SIPA1L3: variants seen among roughly 807,000 people sequenced by gnomAD.
SIPA1L3 encodes signal induced proliferation associated 1 like 3.
In SIPA1L3, 59 loss-of-function variants were observed where a neutral mutation model predicts 150.1. That is an observed-to-expected ratio of 0.39 (90% CI 0.32 to 0.49). The LOEUF (loss-of-function observed/expected upper bound fraction) is 0.49. Among genes scored for constraint, SIPA1L3 ranks in the 20% least tolerant of loss-of-function variants. The pLI, the probability that SIPA1L3 is intolerant of heterozygous loss-of-function variation, is 0.86. For synonymous variants in SIPA1L3, 1,070 were observed against 1,077.6 expected (o/e 0.99, Z 0.14); for missense variants, 2,211 against 2,489.5 (o/e 0.89, Z 2.38).
At chr19:38,136,599 G>A (rs950424846) in intron 10 of SIPA1L3, among the ~76,000 whole-genome samples, 5 of 152,006 alleles carry the variant, frequency 3.3e-5, no homozygotes, top group African/African-American at 7.2e-5. Context: ...GCAAGACTCC[G>A]TCTCAAAAAA....
intron 1 of SIPA1L3, among the ~76,000 whole-genome samples, chr19:38,021,922 C>G (rs1312900016): frequency 2.6e-5 from 4 of 152,204 alleles, no homozygotes. Flanking sequence ...TTGCCCTCCC[C>G]AAGGTTCTGA....
At chr19:37,963,104 G>GTA (rs1181106163) in intron 1 of SIPA1L3, among the ~76,000 whole-genome samples, 1 of 152,152 alleles carries the variant, frequency 6.6e-6, no homozygotes, top group African/African-American at 2.4e-5. Flanking sequence ...TTTGCCAATG[G>GTA]ATCTGTGTCT....
intron 19 of SIPA1L3, 98 bp from the exon 20 acceptor site, chr19:38,201,764 A>G: frequency 7.5e-7 from 1 of 1,339,374 alleles, no homozygotes; most frequent in Non-Finnish European, 1.0e-6. Flanking sequence ...GTGTGATAGG[A>G]GGCATCATGG....
intron 4 of SIPA1L3, among the ~76,000 whole-genome samples, chr19:38,096,283 T>C (rs1180615930): frequency 6.6e-6 from 1 of 152,136 alleles, no homozygotes; most frequent in Non-Finnish European, 1.5e-5. Flanking sequence ...GGAGTCTCAC[T>C]CTGTCGCCTA....
rs1445513541 is a variant in SIPA1L3, at chr19:38,176,714, G to A, written c.4209-5805G>A. Among the ~76,000 whole-genome samples the A allele has an allele frequency of 3.9e-5, 6 of 152,166 alleles. No homozygotes were observed. In the East Asian group the frequency reaches 1.2e-3, roughly 29 times the overall value. ...AGGCCAGGCATGGAGGCTTACACCT[G>A]TAATCCCAGCACTTTGGGAGGTCAA... On this transcript the variant is annotated intron_variant, in intron 15 of 21. Coordinates refer to ENST00000222345, the MANE Select transcript of SIPA1L3 (RefSeq NM_015073.3).
chr19:38,039,784 A>G (rs999713480), intron 2 of SIPA1L3, among the ~76,000 whole-genome samples: 3 of 151,474 alleles, frequency 2.0e-5, no homozygotes, highest in Admixed American at 2.0e-4. Flanking sequence ...TGTATTTCCT[A>G]ATTGATTAAT....
At chr19:38,118,809 C>T (rs1485718340) in intron 8 of SIPA1L3, among the ~76,000 whole-genome samples, 1 of 152,100 alleles carries the variant, frequency 6.6e-6, no homozygotes, top group Non-Finnish European at 1.5e-5. Context: ...GCTGGGATTA[C>T]AGGTATGAGC....
chr19:38,006,728 G>T (rs1967948243), intron 1 of SIPA1L3, among the ~76,000 whole-genome samples: 1 of 152,194 alleles, frequency 6.6e-6, no homozygotes, highest in Non-Finnish European at 1.5e-5. Flanking sequence ...TCGCTTTGGA[G>T]GGGACTCTGG....
At chr19:38,012,415 G>A (rs1363769810) in intron 1 of SIPA1L3, among the ~76,000 whole-genome samples, 1 of 152,114 alleles carries the variant, frequency 6.6e-6, no homozygotes, top group African/African-American at 2.4e-5. Flanking sequence ...ATTTCAGGTG[G>A]AGGGAAGCAT....
chr19:38,080,960 ACT>A (rs986226907), intron 2 of SIPA1L3, among the ~76,000 whole-genome samples: 2 of 138,496 alleles, frequency 1.4e-5, no homozygotes, highest in Admixed American at 7.7e-5. Context: ...ACAGAGCGAG[ACT>A]CTGTCTCAAA....
chr19:38,125,937 GC>G, intron 9 of SIPA1L3, among the ~76,000 whole-genome samples: 1 of 152,170 alleles, frequency 6.6e-6, no homozygotes, highest in Non-Finnish European at 1.5e-5. Context: ...ACTTTGGAAG[GC>G]CGAGGCGGGT....
chr19:37,960,498 G>C (rs1024215550), intron 1 of SIPA1L3, among the ~76,000 whole-genome samples: 2 of 151,832 alleles, frequency 1.3e-5, no homozygotes, highest in African/African-American at 4.8e-5. Flanking sequence ...CCGCCTGCTG[G>C]GTTCACGCCA....
intron 1 of SIPA1L3, among the ~76,000 whole-genome samples, chr19:37,966,270 CTTG>C (rs1173293896): frequency 6.6e-6 from 1 of 152,236 alleles, no homozygotes; most frequent in Non-Finnish European, 1.5e-5. Flanking sequence ...TCCTTCCCAG[CTTG>C]CCACAGTGGC....
Position 38,163,264 on chromosome 19 carries a change from C to T in SIPA1L3, c.3780+893C>T, listed in dbSNP as rs111559035. Among the ~76,000 whole-genome samples the T allele has an allele frequency of 2.3e-3, 351 of 152,186 alleles. 1 individual carries two copies. Among genetic ancestry groups the T allele is most frequent in the African/African-American group, 7.2e-3 (299 of 41,516 alleles). ...CAGTGCTTTAGGAGGCCAAGGCGGA[C>T]GGATCACCTGCAGTCAGGAGTTCGA... On this transcript the variant is annotated intron_variant, in intron 14 of 21. Transcript: ENST00000222345.
intron 9 of SIPA1L3, among the ~76,000 whole-genome samples, chr19:38,122,746 G>T (rs765259914): frequency 3.3e-5 from 5 of 152,160 alleles, no homozygotes; most frequent in Non-Finnish European, 7.3e-5. Context: ...GGTTTCATGC[G>T]CATGCTAGGG....
At chr19:38,192,362 C>A in intron 17 of SIPA1L3, 52 bp downstream of exon 17, 1 of 1,495,012 alleles carries the variant, frequency 6.7e-7, no homozygotes, top group Non-Finnish European at 9.0e-7. Context: ...AAGGGGATCC[C>A]AGATCTGGGC....
chr19:38,150,830 C>T (rs969602426), intron 12 of SIPA1L3, among the ~76,000 whole-genome samples: 4 of 152,168 alleles, frequency 2.6e-5, no homozygotes, highest in Non-Finnish European at 5.9e-5. Flanking sequence ...CGTGAGCCAC[C>T]ACACCTGGCT....
intron 8 of SIPA1L3, among the ~76,000 whole-genome samples, chr19:38,111,439 G>A (rs959660437): frequency 2.6e-5 from 4 of 152,094 alleles, no homozygotes; most frequent in Non-Finnish European, 5.9e-5. Context: ...TGGGTATTAC[G>A]GTTGTGATGC....
At chr19:38,202,094 C>A in intron 20 of SIPA1L3, 97 bp downstream of exon 20, 1 of 1,277,556 alleles carries the variant, frequency 7.8e-7, no homozygotes, top group Non-Finnish European at 1.1e-6. Flanking sequence ...GGGTCACCCC[C>A]ACCACTCTCC....
Sources: allele counts gnomAD v4.1 joint callset (sites outside exome capture counted in the v4.1 genomes callset), GRCh38; gene constraint gnomAD v4.1.1; transcripts MANE v1.5; gene names NCBI Gene and HGNC (gene_info 2026-07-23, HGNC 2026-07-21).